The following BNC2 variants were observed in gnomAD, a reference collection of about 807,000 sequenced individuals.
The protein encoded by BNC2 is basonuclin zinc finger protein 2.
A neutral mutation model predicts 76.3 loss-of-function variants in BNC2; 20 were observed. The observed-to-expected ratio is 0.26, with a 90% CI of 0.18 to 0.38. The LOEUF is 0.38. BNC2 is among the 10% of genes least tolerant of loss of function. The pLI, the probability that BNC2 is intolerant of heterozygous loss-of-function variation, is 1.00. For missense variants in BNC2, 1,382 were observed against 1,399.8 expected (o/e 0.99, Z 0.20); for synonymous variants, 582 against 514.8 (o/e 1.13, Z -1.77).
intron 4 of BNC2, among the ~76,000 whole-genome samples, chr9:16,557,403 G>C (rs1818869203): frequency 1.3e-5 from 2 of 151,908 alleles, no homozygotes; most frequent in South Asian, 4.2e-4. Context: ...GAAGGCTGAG[G>C]CAAGAGAATC....
chr9:16,628,352 A>G (rs1468841154), intron 3 of BNC2, among the ~76,000 whole-genome samples: 1 of 152,192 alleles, frequency 6.6e-6, no homozygotes, highest in Non-Finnish European at 1.5e-5. Context: ...TTCAGAAATT[A>G]CAGTGGTAGG....
intron 1 of BNC2, among the ~76,000 whole-genome samples, chr9:16,757,684 C>T (rs1825424910): frequency 6.7e-6 from 1 of 149,980 alleles, no homozygotes; most frequent in Non-Finnish European, 1.5e-5. Context: ...CTACTATATT[C>T]CTGGTACAAT....
chr9:16,694,040 T>C (rs987376571), intron 3 of BNC2, among the ~76,000 whole-genome samples: 2 of 152,156 alleles, frequency 1.3e-5, no homozygotes, highest in Non-Finnish European at 2.9e-5. Flanking sequence ...AGCTATTGAA[T>C]GCTTTATTTT....
chr9:16,701,938 C>CA (rs5896700), intron 3 of BNC2, among the ~76,000 whole-genome samples: 70,140 of 91,432 alleles, frequency 0.77, 27,080 homozygotes, highest in Non-Finnish European at 0.86. Flanking sequence ...CGAGACTCTC[C>CA]AAAAAAAAAA....
intron 1 of BNC2, among the ~76,000 whole-genome samples, chr9:16,802,963 T>A (rs1355843072): frequency 6.6e-6 from 1 of 152,184 alleles, no homozygotes; most frequent in Non-Finnish European, 1.5e-5. Flanking sequence ...GTAGCAAATA[T>A]TTGGTTGGTA....
intron 5 of BNC2, among the ~76,000 whole-genome samples, chr9:16,460,118 A>T (rs1057054254): frequency 1.1e-4 from 16 of 152,176 alleles, no homozygotes; most frequent in Non-Finnish European, 2.1e-4. Context: ...TACCAACTTT[A>T]AGTTATAATA....
At chr9:16,694,837 C>G (rs772152617) in intron 3 of BNC2, among the ~76,000 whole-genome samples, 1 of 152,094 alleles carries the variant, frequency 6.6e-6, no homozygotes, top group Non-Finnish European at 1.5e-5. Flanking sequence ...GAAAAATGTG[C>G]AAACGCATAC....
chr9:16,460,816 C>T (rs1265470934), intron 5 of BNC2, among the ~76,000 whole-genome samples: 1 of 151,970 alleles, frequency 6.6e-6, no homozygotes, highest in Non-Finnish European at 1.5e-5. Context: ...AATTAAATGA[C>T]ACAGCAGTAC....
At chr9:16,425,387 G>A (rs766423061) in intron 6 of BNC2, among the ~76,000 whole-genome samples, 3 of 152,038 alleles carry the variant, frequency 2.0e-5, no homozygotes, top group Non-Finnish European at 4.4e-5. Flanking sequence ...CTGCCTACAC[G>A]ACTCCCCTCT....
intron 5 of BNC2, among the ~76,000 whole-genome samples, chr9:16,513,299 CTTTTTTT>C (rs1202222924): frequency 0.13 from 10,705 of 85,514 alleles, 522 homozygotes; most frequent in East Asian, 0.31. Flanking sequence ...AGAAAAGGTT[CTTTTTTT>C]TTTTTTTTTT....
intron 3 of BNC2, among the ~76,000 whole-genome samples, chr9:16,603,822 T>C (rs2094537133): frequency 6.6e-6 from 1 of 152,052 alleles, no homozygotes; most frequent in African/African-American, 2.4e-5. Context: ...TTTTCTTTAA[T>C]TTTTTTTCTG....
intron 3 of BNC2, among the ~76,000 whole-genome samples, chr9:16,670,594 G>C (rs564120016): frequency 2.0e-5 from 3 of 152,186 alleles, no homozygotes; most frequent in East Asian, 3.8e-4. Flanking sequence ...CAGTAGACTT[G>C]TGTTAATAAA....
At chr9:16,845,660 G>A (rs1401781169) in intron 1 of BNC2, among the ~76,000 whole-genome samples, 5 of 152,088 alleles carry the variant, frequency 3.3e-5, no homozygotes, top group African/African-American at 4.8e-5. Flanking sequence ...GGCGGAGCTT[G>A]CAGTGAGCCG....
At chr9:16,638,467 A>C (rs1821391899) in intron 3 of BNC2, among the ~76,000 whole-genome samples, 1 of 152,188 alleles carries the variant, frequency 6.6e-6, no homozygotes, top group Non-Finnish European at 1.5e-5. Context: ...AAGAAAGTTT[A>C]ATAATTAAGA....
chr9:16,790,483 A>C (rs1395506241), intron 1 of BNC2, among the ~76,000 whole-genome samples: 2 of 152,256 alleles, frequency 1.3e-5, no homozygotes, highest in South Asian at 4.1e-4. Flanking sequence ...AACTGTGTCA[A>C]TAGTAGTTTC....
intron 1 of BNC2, among the ~76,000 whole-genome samples, chr9:16,788,279 C>T (rs571405339): frequency 2.2e-4 from 34 of 152,004 alleles, no homozygotes; most frequent in African/African-American, 2.7e-4. Context: ...CTGGGCCAGG[C>T]GCGGTGGCTC....
intron 3 of BNC2, among the ~76,000 whole-genome samples, chr9:16,595,071 G>T (rs926141773): frequency 1.3e-5 from 2 of 152,072 alleles, no homozygotes; most frequent in South Asian, 4.1e-4. Flanking sequence ...TAAAGAAAGT[G>T]ACCCAGCACA....
chr9:16,605,750 G>T, intron 3 of BNC2, among the ~76,000 whole-genome samples: 1 of 147,986 alleles, frequency 6.8e-6, no homozygotes, highest in African/African-American at 2.5e-5. Context: ...TATAATTAGT[G>T]ATAACTAATA....
At chr9:16,836,609 C>A (rs1818713280) in intron 1 of BNC2, among the ~76,000 whole-genome samples, 1 of 151,994 alleles carries the variant, frequency 6.6e-6, no homozygotes, top group Middle Eastern at 3.2e-3. Context: ...TCAACCAACT[C>A]TCATTTGTCC....
Sources: gnomAD v4.1 joint callset for allele counts (sites outside exome capture counted in the v4.1 genomes callset) on GRCh38, gnomAD v4.1.1 for gene constraint, MANE v1.5 for transcripts, NCBI Gene and HGNC (gene_info 2026-07-23, HGNC 2026-07-21) for gene names.